PKP3: variants seen among roughly 807,000 people sequenced by gnomAD.
PKP3 encodes plakophilin 3, also known as plakophilin-3.
In PKP3, 66 loss-of-function variants were observed where a neutral mutation model predicts 76.5. That is an observed-to-expected ratio of 0.86 (90% confidence interval 0.71 to 1.06). The LOEUF is 1.06. Ranked by LOEUF, PKP3 falls within the 50% of genes least tolerant of loss-of-function variation. PKP3 has a pLI of 0.00. For missense variants in PKP3, 1,338 were observed against 1,141.0 expected (o/e 1.17, Z -2.49); for synonymous variants, 638 against 516.5 (o/e 1.24, Z -3.19).
upstream of PKP3, among the ~76,000 whole-genome samples, chr11:393,761 A>T (rs1368279297): frequency 6.6e-6 from 1 of 152,064 alleles, no homozygotes; most frequent in African/African-American, 2.4e-5. Flanking sequence ...CCACCTCACC[A>T]GGAAGGCTGG....
At position 400,571 on chromosome 11, in the gene PKP3, T is replaced by A. The variant is rs763054370; in HGVS notation, c.1603T>A (p.Ser535Thr). ...ENAVCVLRNL[S>T]YRLYDEMPPS... ...CGCGGTGTGCGTCCTGCGGAACCTGTCCTACCGCCTCTACGACGAGATGCC... is the reference window on the plus strand; with the variant it reads ...CGCGGTGTGCGTCCTGCGGAACCTGACCTACCGCCTCTACGACGAGATGCC... Residue 535 changes from serine (S) to threonine (T), a missense_variant, in exon 8 of 13, where the codon TCC becomes ACC. Physicochemically the swap from Ser to Thr is moderately conservative, Grantham distance 58. Transcript: ENST00000331563. 11 of 1,484,164 alleles carry A rather than the reference T, an allele frequency of 7.4e-6. No individual in the cohort carries two copies. The highest frequency in any genetic ancestry group is 1.8e-6 in the Non-Finnish European group (2 of 1,125,904). The allele number at this position is 1,484,164 out of a possible 1,614,324, so 91.9% of individuals were successfully genotyped here. A position where few individuals can be genotyped will look rare whatever the true frequency, so the allele number is the denominator to read the frequency against.
In PKP3 at chr11:394,391, C is replaced by T. The variant is rs547609740; in HGVS notation, c.99C>T (p.Ala33=). ...ACCTGCAGCTGGACCGCCGGGGCGC[C>T]GAGGGGCCGGAGGCCGAGCGGCTGC... ...PSDLQLDRRG[A]EGPEAERLRA... The change falls in exon 1 of 13, where the codon GCC becomes GCT. Residue 33 remains alanine, a synonymous_variant. Transcript: ENST00000331563. 1.5e-5 allele frequency: 23 copies of T among 1,489,250 alleles called. No homozygotes were observed. The African/African-American group carries it at 2.2e-4, about 14-fold the overall frequency. 92.3% of individuals were successfully genotyped at this position (1,489,250 alleles called of 1,614,324 possible).
At chr11:398,749 G>A (rs1396488621) in intron 4 of PKP3, among the ~76,000 whole-genome samples, 3 of 38,848 alleles carry the variant, frequency 7.7e-5, no homozygotes, top group South Asian at 1.0e-3. Context: ...ACACACCTGC[G>A]TCACCTCCGT....
In PKP3 at chr11:397,000, C is replaced by G; in HGVS notation, c.499C>G (p.Arg167Gly). 1 of 1,599,828 alleles carries G rather than the reference C, an allele frequency of 6.3e-7. No homozygotes were observed. Among genetic ancestry groups the G allele is most frequent in the Non-Finnish European group, 8.5e-7 (1 of 1,179,402 alleles). The change falls in exon 3 of 13, where the codon CGC (arginine) becomes GGC (glycine). Residue 167 changes from arginine to glycine, a missense_variant. By Grantham distance (125) the Arg-to-Gly change is moderately radical. Transcript: ENST00000331563. The stretch of plus-strand genomic sequence containing the variant: ...CACCAGGCCCGTGTCCTTCCATGAG[C>G]GCGGTGGGGTTGGGAGCCGGGCCGA... Reference protein sequence around the residue: ...MPTRPVSFHERGGVGSRADYD... With the variant: ...MPTRPVSFHEGGGVGSRADYD...
rs1847052494 is a variant in PKP3, at chr11:396,843, C to T, written c.342C>T (p.Tyr114=). ...SGFRPIAKPA[Y]SPASWSSRSA... is the part of the protein sequence containing the mutation. ...TCCGGCCCATCGCCAAGCCGGCCTA[C>T]AGCCCAGCCTCCTGGTCCTCCCGCT... is the stretch of plus-strand genomic sequence containing the variant. The change falls in exon 3 of 13, where the codon TAC becomes TAT. Residue 114 remains tyrosine (Y), a synonymous_variant. Coordinates refer to ENST00000331563, the MANE Select transcript of PKP3 (RefSeq NM_007183.4). 2 of 1,598,528 alleles carry T rather than the reference C, an allele frequency of 1.3e-6. No individual in the cohort carries two copies. The highest frequency in any genetic ancestry group is 1.7e-6 in the Non-Finnish European group (2 of 1,175,994).
Position 400,465 on chromosome 11 carries a change from T to G in PKP3, c.1566+14T>G. The G allele has an allele frequency of 6.5e-7, 1 of 1,532,258 alleles. No individual in the cohort carries two copies. The highest frequency in any genetic ancestry group is 2.1e-4 in the Middle Eastern group (1 of 4,756). The allele number at this position is 1,532,258 out of a possible 1,614,324, so 94.9% of individuals were successfully genotyped here. On this transcript the variant is annotated intron_variant, in intron 7 of 12. Transcript: ENST00000331563. ...TGCGAGGACAAGGTGAGGGGCGCGG[T>G]GTGGAGGAGGGGCCGTGCCCCCGGG...
chr11:396,997 G>A lies in PKP3; in HGVS notation c.496G>A (p.Glu166Lys), dbSNP rs1847056412. The A allele has an allele frequency of 6.3e-7, 1 of 1,599,494 alleles. No homozygotes were observed. ...GCCCACCAGGCCCGTGTCCTTCCAT[G>A]AGCGCGGTGGGGTTGGGAGCCGGGC... ...PMPTRPVSFH[E>K]RGGVGSRADY... Residue 166 changes from glutamate (E) to lysine (K), a missense_variant, in exon 3 of 13, where the codon GAG (glutamate) becomes AAG (lysine). Transcript: ENST00000331563.
chr11:400,730 T>C, intron 8 of PKP3, 25 bp downstream of exon 8: 1 of 1,194,610 alleles, frequency 8.4e-7, no homozygotes, highest in Non-Finnish European at 1.0e-6. Context: ...GAGCGGGGCG[T>C]GGGGTGGGTG....
Position 404,529 on chromosome 11 carries a change from T to G in PKP3, c.2359-5T>G. On this transcript the variant is annotated splice_region_variant and splice_polypyrimidine_tract_variant and intron_variant, in intron 12 of 12. Coordinates refer to ENST00000331563, the MANE Select transcript of PKP3 (RefSeq NM_007183.4). The surrounding 1 kb of genome is among the most constrained non-coding windows in gnomAD (Gnocchi z 4.2). ...ACCCTGACCTTGGGCCTCTCTCCAC[T>G]GTAGAAGGGCTATCGGAAGGAGGAC... is the stretch of plus-strand genomic sequence containing the variant. 1.2e-6 allele frequency: 2 copies of G among 1,612,510 alleles called. No homozygotes were observed. Among genetic ancestry groups the G allele is most frequent in the Non-Finnish European group, 1.7e-6 (2 of 1,179,764 alleles).
At position 397,318 on chromosome 11, in the gene PKP3, G is replaced by A. The variant is rs1433976808; in HGVS notation, c.817G>A (p.Glu273Lys). 6.3e-6 allele frequency: 10 copies of A among 1,591,892 alleles called. No homozygotes were observed. Among genetic ancestry groups the A allele is most frequent in the Non-Finnish European group, 8.5e-6 (10 of 1,171,080 alleles). The stretch of plus-strand genomic sequence containing the variant: ...CGGGGCAGTGCCGGGGGCCGTCCTG[G>A]AGCCAGTGGCTCGAGCGCCATCTGT... ...VGGAVPGAVL[E>K]PVARAPSVRS... Residue 273 changes from glutamate (E) to lysine (K), a missense_variant, in exon 3 of 13, where the codon GAG becomes AAG. Glu to Lys is a moderately conservative substitution (Grantham distance 56). Coordinates refer to ENST00000331563, the MANE Select transcript of PKP3 (RefSeq NM_007183.4).
Position 404,040 on chromosome 11 carries a change from C to T in PKP3, c.2175C>T (p.Leu725=). Reference sequence around the variant, plus strand: ...TGCTGGTCAACATCATAGCTGTGCTCAACAACCTGGTGGTGGCCAGCCCCA... The same window carrying T: ...TGCTGGTCAACATCATAGCTGTGCTTAACAACCTGGTGGTGGCCAGCCCCA... ...AEVLVNIIAV[L]NNLVVASPIA... Residue 725 remains leucine (L), a synonymous_variant, in exon 11 of 13, where the codon CTC becomes CTT. Coordinates refer to ENST00000331563, the MANE Select transcript of PKP3 (RefSeq NM_007183.4). This position sits in a 1 kb window ranked among gnomAD's most constrained non-coding sequence, Gnocchi z 4.2. The T allele has an allele frequency of 3.7e-6, 6 of 1,612,508 alleles. No homozygotes were observed. Among genetic ancestry groups the T allele is most frequent in the Non-Finnish European group, 5.1e-6 (6 of 1,179,800 alleles).
At chr11:394,554 C>A in intron 1 of PKP3, 30 bp downstream of exon 1, 2 of 1,350,092 alleles carry the variant, frequency 1.5e-6, no homozygotes, top group Non-Finnish European at 1.9e-6. Flanking sequence ...GCGGGGATGG[C>A]GGTGGCGGGG....
chr11:404,375 C>T lies in PKP3; in HGVS notation c.2358+52C>T, dbSNP rs562687829. The T allele has an allele frequency of 8.4e-5, 129 of 1,538,302 alleles. No individual in the cohort carries two copies. Among genetic ancestry groups the T allele is most frequent in the Middle Eastern group, 5.1e-4 (3 of 5,920 alleles). ...AGGGACCCGGGTGCAGGGCATGGGA[C>T]GCCGGGGGAGGGTCAGTGAAGAGGC... On this transcript the variant is annotated intron_variant, in intron 12 of 12. Coordinates refer to ENST00000331563, the MANE Select transcript of PKP3 (RefSeq NM_007183.4). The surrounding 1 kb of genome is among the most constrained non-coding windows in gnomAD (Gnocchi z 4.2).
In PKP3 at chr11:396,890, G is replaced by A. The variant is rs528553438; in HGVS notation, c.389G>A (p.Ser130Asn). Residue 130 changes from serine (S) to asparagine (N), a missense_variant, in exon 3 of 13, where the codon AGT (serine) becomes AAT (asparagine). By Grantham distance (46) the Ser-to-Asn change is conservative (BLOSUM62 1). Coordinates refer to ENST00000331563, the MANE Select transcript of PKP3 (RefSeq NM_007183.4). ...SSRSAVDLSC[S>N]RRLSSAHNGG... The stretch of plus-strand genomic sequence containing the variant: ...CGCTCCGCCGTGGATCTGAGCTGCA[G>A]TCGGAGGCTGAGTTCAGCCCACAAC... 31 of 1,598,130 alleles carry A rather than the reference G, an allele frequency of 1.9e-5. No homozygotes were observed. In the African/African-American group the frequency reaches 3.9e-4, roughly 20 times the overall value.
rs746245100 is a variant in PKP3 at position 404,373 on chromosome 11, G to A, written c.2358+50G>A. The A allele has an allele frequency of 6.5e-7, 1 of 1,542,628 alleles. No individual in the cohort carries two copies. The highest frequency in any genetic ancestry group is 1.1e-5 in the South Asian group (1 of 89,712). ...GCAGGGACCCGGGTGCAGGGCATGG[G>A]ACGCCGGGGGAGGGTCAGTGAAGAG... On this transcript the variant is annotated intron_variant, in intron 12 of 12. Transcript: ENST00000331563. This position sits in a 1 kb window ranked among gnomAD's most constrained non-coding sequence, Gnocchi z 4.2.
upstream of PKP3, among the ~76,000 whole-genome samples, chr11:393,222 C>A (rs560305129): frequency 2.0e-5 from 3 of 151,786 alleles, no homozygotes; most frequent in Non-Finnish European, 3.0e-5. Flanking sequence ...AGGGCCCCCC[C>A]ACCAGGGGCC....
rs751640720 is a variant in PKP3, at chr11:399,090, C to G, written c.1167C>G (p.Ile389Met). 9 of 1,611,902 alleles carry G rather than the reference C, an allele frequency of 5.6e-6. No individual in the cohort carries two copies. Among genetic ancestry groups the G allele is most frequent in the South Asian group, 3.3e-5 (3 of 91,080 alleles). Residue 389 changes from isoleucine (I) to methionine (M), a missense_variant, in exon 5 of 13, where the codon ATC (isoleucine) becomes ATG (methionine). Coordinates refer to ENST00000331563, the MANE Select transcript of PKP3 (RefSeq NM_007183.4). ...RHATGAMRNL[I>M]YDNADNKLAL... ...CCACAGGTGCCATGCGCAACCTCAT[C>G]TACGACAACGCTGACAACAAGCTGG...
upstream of PKP3, chr11:393,328 C>G (rs1203484122): frequency 6.6e-6 from 1 of 152,082 alleles, no homozygotes; most frequent in South Asian, 2.1e-4. Flanking sequence ...CCTGCACACC[C>G]GCTCCTGCCC....
rs1375327591 is a variant in PKP3, at chr11:400,318, C to G, written c.1449-16C>G. 6.5e-7 allele frequency: 1 copy of G among 1,536,546 alleles called. No homozygotes were observed. The highest frequency in any genetic ancestry group is 8.8e-7 in the Non-Finnish European group (1 of 1,136,546). On this transcript the variant is annotated splice_polypyrimidine_tract_variant and intron_variant, in intron 6 of 12. Coordinates refer to ENST00000331563, the MANE Select transcript of PKP3 (RefSeq NM_007183.4). Reference sequence around the variant, plus strand: ...TGCGGGGTCCCTGGGGGGCTCTGATCCACCTCGGTCCCCAGGAACCTCAGC... The same window carrying G: ...TGCGGGGTCCCTGGGGGGCTCTGATGCACCTCGGTCCCCAGGAACCTCAGC...
Sources: gnomAD v4.1 joint callset for allele counts (sites outside exome capture counted in the v4.1 genomes callset) on GRCh38, gnomAD v4.1.1 for gene constraint, Gnocchi (gnomAD v3.1) non-coding constraint, MANE v1.5 for transcripts, NCBI Gene and HGNC (gene_info 2026-07-23, HGNC 2026-07-21) for gene names.